NCOA3: variants seen among roughly 807,000 people sequenced by gnomAD.
NCOA3 encodes CBP-interacting protein.
NCOA3 carries 51 observed loss-of-function variants against 158.8 expected under a neutral mutation model. That is an observed-to-expected ratio of 0.32 (90% CI 0.26 to 0.41). The LOEUF (loss-of-function observed/expected upper bound fraction) is 0.41. Ranked by LOEUF, NCOA3 falls within the 10% of genes least tolerant of loss-of-function variation. NCOA3 has a pLI of 1.00. For missense variants in NCOA3, 1,510 were observed against 1,746.6 expected (o/e 0.86, Z 2.41); for synonymous variants, 537 against 592.4 (o/e 0.91, Z 1.36).
Position 47,633,559 on chromosome 20 carries a change from T to A in NCOA3, c.887T>A (p.Ile296Lys). 4.3e-6 allele frequency: 7 copies of A among 1,613,644 alleles called. No homozygotes were observed. Among genetic ancestry groups the A allele is most frequent in the Non-Finnish European group, 5.9e-6 (7 of 1,179,556 alleles). Residue 296 changes from isoleucine to lysine, a missense_variant, in exon 9 of 23, where the codon ATA becomes AAA. This residue lies in a region of NCOA3 where 309 missense variants were observed against 427.1 expected (regional missense o/e 0.72). Coordinates refer to ENST00000371998, the MANE Select transcript of NCOA3 (RefSeq NM_181659.3). ...RSSMRPGFEDIIRRCIQRFFS... is the reference protein window; with the variant it reads ...RSSMRPGFEDKIRRCIQRFFS... Reference sequence around the variant, plus strand: ...TCCATGAGGCCTGGCTTTGAAGATATAATCCGAAGGTGTATTCAGAGATTT... The same window carrying A: ...TCCATGAGGCCTGGCTTTGAAGATAAAATCCGAAGGTGTATTCAGAGATTT...
At chr20:47,574,794 G>A (rs2085347900) in intron 1 of NCOA3, among the ~76,000 whole-genome samples, 1 of 152,118 alleles carries the variant, frequency 6.6e-6, no homozygotes, top group Non-Finnish European at 1.5e-5. Flanking sequence ...TTATTTCAGT[G>A]TAAACTGAAT....
intron 2 of NCOA3, among the ~76,000 whole-genome samples, chr20:47,598,421 C>T (rs1409935524): frequency 6.6e-6 from 1 of 151,934 alleles, no homozygotes; most frequent in Non-Finnish European, 1.5e-5. Context: ...CTGCAACCTC[C>T]ACCTCCTGGG....
At chr20:47,525,880 G>A (rs1182613262) in intron 1 of NCOA3, among the ~76,000 whole-genome samples, 1 of 140,298 alleles carries the variant, frequency 7.1e-6, no homozygotes, top group Non-Finnish European at 1.6e-5. Context: ...GCGGCTGGCC[G>A]GGCGGGGGGC....
intron 1 of NCOA3, among the ~76,000 whole-genome samples, chr20:47,527,355 G>A (rs11906162): frequency 0.028 from 4,192 of 152,126 alleles, 228 homozygotes; most frequent in African/African-American, 0.096. Context: ...CATAAAGTAT[G>A]TTGTGTCAGC....
At chr20:47,589,910 G>C (rs955379006) in intron 2 of NCOA3, among the ~76,000 whole-genome samples, 3 of 139,088 alleles carry the variant, frequency 2.2e-5, no homozygotes, top group African/African-American at 7.4e-5. Context: ...TTGACTTCTT[G>C]TATAATGTAA....
intron 1 of NCOA3, among the ~76,000 whole-genome samples, chr20:47,558,293 GCTGGTCTCAAA>G (rs1156330320): frequency 1.6e-4 from 22 of 136,516 alleles, no homozygotes; most frequent in African/African-American, 6.2e-4. Flanking sequence ...TGTTGGTCAG[GCTGGTCTCAAA>G]CTCTTGACCT....
chr20:47,536,522 T>G lies in NCOA3; in HGVS notation c.-99+34503T>G, dbSNP rs184691892. Among the ~76,000 whole-genome samples the G allele has an allele frequency of 4.2e-3, 634 of 152,362 alleles. 8 individuals carry two copies. The highest frequency in any genetic ancestry group is 0.015 in the African/African-American group (610 of 41,588). ...GACAATATATCCTATACACATTTTG[T>G]CTCCTTTACAGGAAAATAATGTATT... is the stretch of plus-strand genomic sequence containing the variant. On this transcript the variant is annotated intron_variant, in intron 1 of 22. Coordinates refer to ENST00000371998, the MANE Select transcript of NCOA3 (RefSeq NM_181659.3).
intron 9 of NCOA3, 113 bp downstream of exon 9, chr20:47,633,749 A>T (rs1461608250): frequency 1.6e-6 from 2 of 1,224,962 alleles, no homozygotes; most frequent in South Asian, 3.0e-5. Context: ...CTTCTGCCTC[A>T]GCTTCTGAGT....
chr20:47,651,901 C>T (rs1024414878), intron 20 of NCOA3, among the ~76,000 whole-genome samples: 3 of 151,852 alleles, frequency 2.0e-5, no homozygotes, highest in Admixed American at 6.6e-5. Flanking sequence ...CTCCTGACCT[C>T]GTGATCTGCC....
In NCOA3 at chr20:47,567,015, T is replaced by TGTAC. The variant is rs1283320358; in HGVS notation, c.-98-16165_-98-16164insCGTA. ...TAACAGTTTACATGGTATAGTACTATGTATGTATGTATGTATGTATGTATG... is the reference window on the plus strand; with the variant it reads ...TAACAGTTTACATGGTATAGTACTATGTACGTATGTATGTATGTATGTATGTATG... On this transcript the variant is annotated intron_variant, in intron 1 of 22. Coordinates refer to ENST00000371998, the MANE Select transcript of NCOA3 (RefSeq NM_181659.3). 1.7e-3 allele frequency among the ~76,000 whole-genome samples: 116 copies of TGTAC among 66,466 alleles called. 1 individual carries two copies. The highest frequency in any genetic ancestry group is 4.8e-3 in the African/African-American group (100 of 20,634). 43.6% of individuals were successfully genotyped at this position (66,466 alleles called of 152,430 possible).
chr20:47,647,074 G>A lies in NCOA3; in HGVS notation c.3254G>A (p.Gly1085Glu). Reference sequence around the variant, plus strand: ...GTTCTTTTATGTGTTGTGTTTAAGGGACAGGCATTAGAGCCCAAACAGGAT... The same window carrying A: ...GTTCTTTTATGTGTTGTGTTTAAGGAACAGGCATTAGAGCCCAAACAGGAT... The part of the protein sequence containing the change: ...ALGIPELVNQ[G>E]QALEPKQDAF... The change falls in exon 18 of 23, where the codon GGA (glycine) becomes GAA (glutamate). Residue 1085 changes from glycine (G) to glutamate (E), a missense_variant and splice_region_variant. Transcript: ENST00000371998. 14 of 1,612,652 alleles carry A rather than the reference G, an allele frequency of 8.7e-6. No individual in the cohort carries two copies. Among genetic ancestry groups the A allele is most frequent in the Non-Finnish European group, 1.2e-5 (14 of 1,179,068 alleles).
intron 1 of NCOA3, among the ~76,000 whole-genome samples, chr20:47,520,061 CAAAAAAAAAA>C (rs35406814): frequency 6.9e-3 from 227 of 32,898 alleles, no homozygotes; most frequent in African/African-American, 0.026. Context: ...TGTGCCTGGC[CAAAAAAAAAA>C]AAAAAAAAAA....
At chr20:47,531,205 G>A (rs2084538983) in intron 1 of NCOA3, among the ~76,000 whole-genome samples, 1 of 152,114 alleles carries the variant, frequency 6.6e-6, no homozygotes, top group African/African-American at 2.4e-5. Context: ...CGGGTTTGGT[G>A]GTGGTCACTT....
chr20:47,565,558 C>T (rs754825106), intron 1 of NCOA3, among the ~76,000 whole-genome samples: 2 of 151,972 alleles, frequency 1.3e-5, no homozygotes, highest in Non-Finnish European at 2.9e-5. Flanking sequence ...TCTACTAAAA[C>T]CACAAAAATT....
chr20:47,585,022 C>T (rs540677733), intron 2 of NCOA3, among the ~76,000 whole-genome samples: 2 of 144,240 alleles, frequency 1.4e-5, no homozygotes, highest in East Asian at 4.2e-4. Context: ...TGGCAAATAA[C>T]ATTTCATCTA....
rs1221314762 is a variant in NCOA3, at chr20:47,653,405, G to GAAAT, written c.4265_4268dup (p.Tyr1423Ter). ...TTTTTTTTTTTCCTGGTTGCTGACA[G>GAAAT]AAATACTGCTGACATCTCTGCACCA... On this transcript the variant is annotated frameshift_variant and splice_region_variant. Coordinates refer to ENST00000371998, the MANE Select transcript of NCOA3 (RefSeq NM_181659.3). LOFTEE classifies it high-confidence loss of function. The GAAAT allele has an allele frequency of 1.5e-6, 2 of 1,352,078 alleles. No homozygotes were observed. Among genetic ancestry groups the GAAAT allele is most frequent in the South Asian group, 2.4e-5 (2 of 83,090 alleles). 83.8% of individuals were successfully genotyped at this position (1,352,078 alleles called of 1,614,324 possible). A position where few individuals can be genotyped will look rare whatever the true frequency, so the allele number is the denominator to read the frequency against.
intron 18 of NCOA3, 39 bp from the exon 19 acceptor site, chr20:47,648,966 G>T: frequency 7.6e-7 from 1 of 1,316,692 alleles, no homozygotes; most frequent in Non-Finnish European, 1.1e-6. Flanking sequence ...GCAGACTGAC[G>T]TGCTCTGCTT....
Position 47,514,713 on chromosome 20 carries a change from C to CTTT in NCOA3, c.-99+12713_-99+12715dup, listed in dbSNP as rs143888226. ...TTTGTTTGTTTTGTTTTGTTTTTTGCTTTTTTTTTTTTTTTTTTTTTGAGA... is the reference window on the plus strand; with the variant it reads ...TTTGTTTGTTTTGTTTTGTTTTTTGCTTTTTTTTTTTTTTTTTTTTTTTTGAGA... On this transcript the variant is annotated intron_variant, in intron 1 of 22. Transcript: ENST00000371998. 1.7e-3 allele frequency among the ~76,000 whole-genome samples: 178 copies of CTTT among 104,984 alleles called. 1 individual carries two copies. Among genetic ancestry groups the CTTT allele is most frequent in the Non-Finnish European group, 2.2e-3 (114 of 51,680 alleles). The allele number at this position is 104,984 out of a possible 152,430, so 68.9% of individuals were successfully genotyped here.
intron 1 of NCOA3, among the ~76,000 whole-genome samples, chr20:47,518,378 A>G (rs2084269222): frequency 6.6e-6 from 1 of 151,890 alleles, no homozygotes; most frequent in Non-Finnish European, 1.5e-5. Context: ...GGAAAAAAAA[A>G]GAAACATAAT....
Sources: gnomAD v4.1 joint callset for allele counts (sites outside exome capture counted in the v4.1 genomes callset) on GRCh38, gnomAD v4.1.1 for gene constraint, gnomAD v4.1.1 regional missense constraint, MANE v1.5 for transcripts, NCBI Gene and HGNC (gene_info 2026-07-23, HGNC 2026-07-21) for gene names.